The following GSE1 variants were observed in gnomAD, a reference collection of about 807,000 sequenced individuals.
GSE1 encodes genetic suppressor element 1.
A neutral mutation model predicts 112.6 loss-of-function variants in GSE1; 32 were observed. The ratio of observed to expected loss-of-function variants is 0.28; its 90% CI spans 0.21 to 0.38. The LOEUF (loss-of-function observed/expected upper bound fraction) is 0.38, where lower values mean the gene tolerates loss of function less well. Among genes scored for constraint, GSE1 ranks in the 10% least tolerant of loss-of-function variants. The pLI is 1.00. For synonymous variants in GSE1, 1,115 were observed against 735.6 expected, an observed-to-expected ratio of 1.52 and a Z score of -8.35; for missense variants, 2,348 against 1,699.2, an observed-to-expected ratio of 1.38 and a Z score of -6.71.
At chr16:85,546,660 G>A (rs1311113984) in intron 2 of GSE1, among the ~76,000 whole-genome samples, 1 of 152,236 alleles carries the variant, frequency 6.6e-6, no homozygotes, top group Non-Finnish European at 1.5e-5. Flanking sequence ...GGCTCGCACA[G>A]GCAGCTCTTC....
At chr16:85,210,704 G>A (rs567937686) in intron 1 of GSE1, among the ~76,000 whole-genome samples, 1 of 152,342 alleles carries the variant, frequency 6.6e-6, no homozygotes, top group Admixed American at 6.5e-5. Context: ...AGGCTGGGAG[G>A]AATTTGGGAA....
intron 2 of GSE1, among the ~76,000 whole-genome samples, chr16:85,506,518 C>T (rs548556748): frequency 2.0e-5 from 3 of 152,108 alleles, no homozygotes; most frequent in East Asian, 1.9e-4. Flanking sequence ...GAGCAGGGCC[C>T]GCTGACGATC....
chr16:85,169,956 G>A (rs1426191631), exon 1 of GSE1: 16 of 984,490 alleles, frequency 1.6e-5, no homozygotes, highest in Non-Finnish European at 1.9e-5. Context: ...CCTACGCGCT[G>A]GGCAGCGCCA....
In GSE1 at chr16:85,663,406, C is replaced by G; in HGVS notation, c.2436C>G (p.Ala812=). The stretch of plus-strand genomic sequence containing the variant: ...AACAGCAGAAGGAGGAATTGGTGGC[C>G]CAGAAGCGGAGGAAGCGGCGGAGGA... ...TTQQQKEELV[A]QKRRKRRRML... is the part of the protein sequence containing the mutation. Residue 812 remains alanine (A), a synonymous_variant, in exon 11 of 16, where the codon GCC becomes GCG. Coordinates refer to ENST00000253458, the MANE Select transcript of GSE1 (RefSeq NM_014615.5). The G allele has an allele frequency of 2.5e-6, 4 of 1,613,830 alleles. No individual in the cohort carries two copies. The highest frequency in any genetic ancestry group is 3.4e-6 in the Non-Finnish European group (4 of 1,180,022).
intron 2 of GSE1, among the ~76,000 whole-genome samples, chr16:85,514,805 A>C (rs566033673): frequency 6.6e-6 from 1 of 152,068 alleles, no homozygotes; most frequent in African/African-American, 2.4e-5. Context: ...TGAGCCCCCA[A>C]TAGCTCCTCT....
intron 1 of GSE1, among the ~76,000 whole-genome samples, chr16:85,207,298 C>G (rs2075135779): frequency 6.6e-6 from 1 of 152,246 alleles, no homozygotes. Context: ...GGGCCAGGCT[C>G]CTGGATTCCA....
Position 85,292,401 on chromosome 16 carries a change from T to C in GSE1, c.2284-65062T>C, listed in dbSNP as rs186548529. Among the ~76,000 whole-genome samples the C allele has an allele frequency of 1.6e-3, 248 of 151,884 alleles. 2 individuals carry two copies. The highest frequency in any genetic ancestry group is 3.0e-3 in the Non-Finnish European group (207 of 67,964). ...TGGAGTGCAGTGGCGCGATCTTGGC[T>C]CACTGCAACCTCCGCCTCCCGGGTT... is the stretch of plus-strand genomic sequence containing the variant. On this transcript the variant is annotated intron_variant, in intron 1 of 2. Transcript: ENST00000637419.
intron 2 of GSE1, among the ~76,000 whole-genome samples, chr16:85,499,472 G>A (rs1421574326): frequency 4.0e-5 from 6 of 151,772 alleles, no homozygotes; most frequent in Admixed American, 6.6e-5. Context: ...CACCACGCCC[G>A]GCTAATTTTT....
At chr16:85,398,721 G>C (rs1382270374) in intron 2 of GSE1, among the ~76,000 whole-genome samples, 1 of 152,284 alleles carries the variant, frequency 6.6e-6, no homozygotes, top group Admixed American at 6.5e-5. Flanking sequence ...CCAGGAGAGA[G>C]AATGTAACTT....
At chr16:85,632,103 G>A (rs1340381280) in intron 1 of GSE1, among the ~76,000 whole-genome samples, 1 of 152,176 alleles carries the variant, frequency 6.6e-6, no homozygotes, top group African/African-American at 2.4e-5. Flanking sequence ...TGTCTGTGCC[G>A]GGTTGAAGCG....
At chr16:85,506,994 G>A (rs1567545132) in intron 2 of GSE1, among the ~76,000 whole-genome samples, 2 of 152,180 alleles carry the variant, frequency 1.3e-5, no homozygotes, top group Non-Finnish European at 2.9e-5. Context: ...CGTAGCCTTG[G>A]TGGCCTGTGG....
chr16:85,552,913 T>G (rs1346863333), upstream of GSE1, among the ~76,000 whole-genome samples: 1 of 152,268 alleles, frequency 6.6e-6, no homozygotes, highest in Non-Finnish European at 1.5e-5. Flanking sequence ...TTTTTATGGC[T>G]CCTGCCATTA....
chr16:85,323,329 T>G (rs2046155442), intron 1 of GSE1, among the ~76,000 whole-genome samples: 1 of 152,152 alleles, frequency 6.6e-6, no homozygotes, highest in African/African-American at 2.4e-5. Flanking sequence ...AATGGCAAGA[T>G]AGAATTAGTG....
At chr16:85,445,441 G>C (rs546548097) in intron 2 of GSE1, among the ~76,000 whole-genome samples, 4 of 152,330 alleles carry the variant, frequency 2.6e-5, no homozygotes, top group East Asian at 3.9e-4. Context: ...GCACAGCGAG[G>C]GGGGGCGGCC....
intron 9 of GSE1, 91 bp from the exon 10 acceptor site, chr16:85,662,890 T>C (rs1363587031): frequency 2.2e-6 from 2 of 900,566 alleles, no homozygotes; most frequent in Middle Eastern, 2.2e-4. Context: ...CCTGGCCTGA[T>C]AGGTGCTCTG....
At chr16:85,288,980 T>C (rs1308214041) in intron 1 of GSE1, among the ~76,000 whole-genome samples, 1 of 152,092 alleles carries the variant, frequency 6.6e-6, no homozygotes. Context: ...GAGAAAACAA[T>C]GGTGTCAGGC....
intron 2 of GSE1, among the ~76,000 whole-genome samples, chr16:85,517,442 A>T (rs1188379222): frequency 6.6e-6 from 1 of 152,208 alleles, no homozygotes; most frequent in Non-Finnish European, 1.5e-5. Flanking sequence ...ACAGTAACAC[A>T]TTAGTGCCCG....
At chr16:85,184,387 G>A (rs1189158454) in intron 1 of GSE1, among the ~76,000 whole-genome samples, 1 of 152,206 alleles carries the variant, frequency 6.6e-6, no homozygotes, top group Non-Finnish European at 1.5e-5. Flanking sequence ...AGGGGAATCT[G>A]CAAAGTCATG....
chr16:85,506,776 C>T (rs570449853), intron 2 of GSE1, among the ~76,000 whole-genome samples: 3 of 152,200 alleles, frequency 2.0e-5, no homozygotes, highest in East Asian at 1.9e-4. Flanking sequence ...TCAGCCGATC[C>T]GTGAGCTCCT....
Sources: allele counts gnomAD v4.1 joint callset (sites outside exome capture counted in the v4.1 genomes callset), GRCh38; gene constraint gnomAD v4.1.1; transcripts MANE v1.5; gene names NCBI Gene and HGNC (gene_info 2026-07-23, HGNC 2026-07-21).